The following ZNF664 variants were observed in gnomAD, a reference collection of about 807,000 sequenced individuals.
ZNF664 encodes the protein zinc finger Organ of Corti 1.
A neutral mutation model predicts 18.2 loss-of-function variants in ZNF664; 10 were observed. The observed-to-expected ratio is 0.55, with a 90% CI of 0.34 to 0.93. The LOEUF (loss-of-function observed/expected upper bound fraction) is 0.93, where lower values mean the gene tolerates loss of function less well. Among genes scored for constraint, ZNF664 ranks in the 40% least tolerant of loss-of-function variants. The pLI, the probability that ZNF664 is intolerant of heterozygous loss-of-function variation, is 0.02. For missense variants in ZNF664, 193 were observed against 319.0 expected, an observed-to-expected ratio of 0.61 and a Z score of 3.01; for synonymous variants, 119 against 104.2, an observed-to-expected ratio of 1.14 and a Z score of -0.86.
At chr12:123,978,219 G>A (rs898831939) in intron 2 of ZNF664, among the ~76,000 whole-genome samples, 2 of 151,722 alleles carry the variant, frequency 1.3e-5, no homozygotes, top group African/African-American at 4.8e-5. Flanking sequence ...CAAATGATAA[G>A]CTAAGAGTTA....
At position 124,013,854 on chromosome 12, in the gene ZNF664, C is replaced by T. The variant is rs1957161426; in HGVS notation, c.*924C>T. On this transcript the variant is annotated 3_prime_UTR_variant, in exon 5 of 5. Coordinates refer to ENST00000337815, the MANE Select transcript of ZNF664 (RefSeq NM_152437.3). ...GTCACTAATGTTTCAATCTCTATTT[C>T]TGTAATCTTGGGCAATAATGCATAG... The T allele has an allele frequency of 6.0e-6, 1 of 167,096 alleles. No homozygotes were observed. The highest frequency in any genetic ancestry group is 1.5e-5 in the Non-Finnish European group (1 of 68,130). The allele number at this position is 167,096 out of a possible 1,614,324, so 10.4% of individuals were successfully genotyped here.
At chr12:123,990,908 C>T (rs994760136) in intron 3 of ZNF664, among the ~76,000 whole-genome samples, 3 of 152,182 alleles carry the variant, frequency 2.0e-5, no homozygotes, top group East Asian at 1.9e-4. Context: ...GTTACCTCAT[C>T]GGTGTTCCTT....
At chr12:123,988,012 C>G in intron 2 of ZNF664, 31 bp from the exon 3 acceptor site, 1 of 1,231,140 alleles carries the variant, frequency 8.1e-7, no homozygotes, top group Non-Finnish European at 1.0e-6. Flanking sequence ...ATAAATAAAC[C>G]CATTTTTCTC....
rs146879507 is a variant in ZNF664, at chr12:123,983,409, A to G, written c.-756-4634A>G. On this transcript the variant is annotated intron_variant, in intron 2 of 4. Transcript: ENST00000337815. ...TACACAGTGTCTCTTGTGTCACTTG[A>G]TACATTATAAGAAATTCAGTAAAGC... is the stretch of plus-strand genomic sequence containing the variant. 6.5e-3 allele frequency among the ~76,000 whole-genome samples: 989 copies of G among 152,364 alleles called. 6 individuals carry two copies. Among genetic ancestry groups the G allele is most frequent in the African/African-American group, 0.022 (924 of 41,590 alleles).
At chr12:123,980,153 T>C (rs915187165) in intron 2 of ZNF664, among the ~76,000 whole-genome samples, 8 of 152,186 alleles carry the variant, frequency 5.3e-5, no homozygotes, top group South Asian at 2.1e-4. Flanking sequence ...TGAATAAGAA[T>C]TAGAAAAAGA....
intron 3 of ZNF664, among the ~76,000 whole-genome samples, chr12:124,005,518 TGTGTGTGA>T (rs1394538438): frequency 1.3e-5 from 2 of 149,300 alleles, no homozygotes; most frequent in African/African-American, 4.9e-5. Context: ...TGTGTGTGTG[TGTGTGTGA>T]GAGATAGGCC....
chr12:123,993,605 C>T (rs977596570), intron 3 of ZNF664, among the ~76,000 whole-genome samples: 5 of 152,174 alleles, frequency 3.3e-5, no homozygotes, highest in African/African-American at 1.2e-4. Flanking sequence ...TTCCCATATA[C>T]CTGAGGCTCA....
Position 124,012,038 on chromosome 12 carries a change from T to C in ZNF664, c.-107T>C. 2 of 1,466,800 alleles carry C rather than the reference T, an allele frequency of 1.4e-6. No homozygotes were observed. Among genetic ancestry groups the C allele is most frequent in the East Asian group, 2.4e-5 (1 of 41,126 alleles). 90.9% of individuals were successfully genotyped at this position (1,466,800 alleles called of 1,614,324 possible). A position where few individuals can be genotyped will look rare whatever the true frequency, so the allele number is the denominator to read the frequency against. The stretch of plus-strand genomic sequence containing the variant: ...CTTACCTAATAGAGCAAGCCTGAGA[T>C]AGACTGCCAAAATGGCCAAATAAGA... On this transcript the variant is annotated 5_prime_UTR_variant, in exon 5 of 5. It removes the in-frame stop codon of an upstream open reading frame in the 5' UTR. Coordinates refer to ENST00000337815, the MANE Select transcript of ZNF664 (RefSeq NM_152437.3).
intron 3 of ZNF664, among the ~76,000 whole-genome samples, chr12:124,006,689 G>A (rs1448384145): frequency 6.6e-6 from 1 of 152,122 alleles, no homozygotes; most frequent in African/African-American, 2.4e-5. Context: ...TTAAGCTTTC[G>A]TTTTCTTGGT....
At chr12:123,990,241 G>A (rs1166491747) in intron 3 of ZNF664, among the ~76,000 whole-genome samples, 1 of 152,200 alleles carries the variant, frequency 6.6e-6, no homozygotes, top group Non-Finnish European at 1.5e-5. Flanking sequence ...CTACTGAACT[G>A]TGCACTTAAA....
intron 3 of ZNF664, 143 bp from the exon 4 acceptor site, chr12:124,011,238 A>T: frequency 2.1e-6 from 2 of 954,210 alleles, no homozygotes; most frequent in Non-Finnish European, 2.5e-6. Context: ...TCATACTCAC[A>T]TGTAGGTCTT....
chr12:123,993,172 A>G, intron 3 of ZNF664, among the ~76,000 whole-genome samples: 1 of 152,140 alleles, frequency 6.6e-6, no homozygotes, highest in East Asian at 1.9e-4. Context: ...TGTCAAGGAG[A>G]GAGGTCTAGG....
intron 2 of ZNF664, 42 bp from the exon 3 acceptor site, chr12:123,988,001 T>C: frequency 8.1e-7 from 1 of 1,231,158 alleles, no homozygotes; most frequent in South Asian, 4.1e-5. Flanking sequence ...CTAAATTCTC[T>C]ATAAATAAAC....
At chr12:124,002,104 A>G (rs1957019084) in intron 3 of ZNF664, among the ~76,000 whole-genome samples, 1 of 152,232 alleles carries the variant, frequency 6.6e-6, no homozygotes, top group Non-Finnish European at 1.5e-5. Flanking sequence ...AGTCAGCTGA[A>G]ACTGACAAGC....
rs1957140353 is a variant in ZNF664, at chr12:124,012,045, C to A, written c.-100C>A. On this transcript the variant is annotated 5_prime_UTR_variant, in exon 5 of 5. Transcript: ENST00000337815. Reference sequence around the variant, plus strand: ...AATAGAGCAAGCCTGAGATAGACTGCCAAAATGGCCAAATAAGAGACTCTA... The same window carrying A: ...AATAGAGCAAGCCTGAGATAGACTGACAAAATGGCCAAATAAGAGACTCTA... 6.8e-7 allele frequency: 1 copy of A among 1,472,074 alleles called. No individual in the cohort carries two copies. Among genetic ancestry groups the A allele is most frequent in the Non-Finnish European group, 8.9e-7 (1 of 1,120,580 alleles). 91.2% of individuals were successfully genotyped at this position (1,472,074 alleles called of 1,614,324 possible).
At chr12:123,977,434 G>GA (rs1425880165) in intron 2 of ZNF664, among the ~76,000 whole-genome samples, 2 of 70,722 alleles carry the variant, frequency 2.8e-5, no homozygotes, top group African/African-American at 1.0e-4. Flanking sequence ...CTGAATACCA[G>GA]AAATAACCTA....
chr12:124,009,374 A>G (rs949430407), intron 3 of ZNF664, among the ~76,000 whole-genome samples: 1 of 152,184 alleles, frequency 6.6e-6, no homozygotes, highest in African/African-American at 2.4e-5. Flanking sequence ...ATAGAAACAT[A>G]TGTTTCCAGA....
chr12:124,010,923 C>T (rs898029714), intron 3 of ZNF664, among the ~76,000 whole-genome samples: 3 of 152,032 alleles, frequency 2.0e-5, no homozygotes, highest in East Asian at 1.9e-4. Flanking sequence ...GCAGGAAACG[C>T]TTAGGGTGTT....
chr12:123,997,191 G>A (rs1956960424), intron 3 of ZNF664, among the ~76,000 whole-genome samples: 1 of 152,188 alleles, frequency 6.6e-6, no homozygotes, highest in Non-Finnish European at 1.5e-5. Context: ...CTTGGGTGAA[G>A]TGTGAAATAA....
Sources: gnomAD v4.1 joint callset for allele counts (sites outside exome capture counted in the v4.1 genomes callset) on GRCh38, gnomAD v4.1.1 for gene constraint, MANE v1.5 for transcripts, NCBI Gene and HGNC (gene_info 2026-07-23, HGNC 2026-07-21) for gene names.